The following TP53BP1 variants were observed in gnomAD, a reference collection of about 807,000 sequenced individuals.
The protein encoded by TP53BP1 is TP53-binding protein 1.
TP53BP1 carries 61 observed loss-of-function variants against 200.8 expected under a neutral mutation model. That is an observed-to-expected ratio of 0.30 (90% CI 0.25 to 0.38). TP53BP1 has a LOEUF of 0.38. Among genes scored for constraint, TP53BP1 ranks in the 10% least tolerant of loss-of-function variants. The probability of loss-of-function intolerance (pLI) is 1.00; values close to 1 mark genes in which losing one functional copy is unlikely to be tolerated. For synonymous variants in TP53BP1, 822 were observed against 844.3 expected (o/e 0.97, Z 0.46); for missense variants, 2,144 against 2,371.9 (o/e 0.90, Z 2.00).
chr15:43,414,221 T>G (rs2045206540), intron 23 of TP53BP1: 1 of 418,644 alleles, frequency 2.4e-6, no homozygotes. Flanking sequence ...AATCCTGGCT[T>G]ACTTTGTCAT....
chr15:43,493,264 CA>C (rs1238117223), upstream of TP53BP1: 4 of 1,412,866 alleles, frequency 2.8e-6, no homozygotes, highest in East Asian at 1.0e-4. Context: ...TGCCCTGCCC[CA>C]CGTAAGAAAA....
chr15:43,479,281 C>T, intron 7 of TP53BP1, 116 bp downstream of exon 7: 1 of 1,176,808 alleles, frequency 8.5e-7, no homozygotes, highest in Middle Eastern at 2.1e-4. Context: ...ATGCCCAGTA[C>T]AAGGGGAAAA....
At chr15:43,457,328 T>C (rs1324677395) in intron 11 of TP53BP1, 110 bp from the exon 12 acceptor site, 3 of 1,030,688 alleles carry the variant, frequency 2.9e-6, no homozygotes, top group Non-Finnish European at 4.0e-6. Context: ...CTAAATCAAA[T>C]TTTTAAATTC....
intron 5 of TP53BP1, among the ~76,000 whole-genome samples, 163 bp from the exon 6 acceptor site, chr15:43,480,180 G>A (rs1167110665): frequency 6.6e-6 from 1 of 152,234 alleles, no homozygotes; most frequent in East Asian, 1.9e-4. Context: ...CGAGCACGGT[G>A]GCTCACACCT....
chr15:43,480,119 C>A, intron 5 of TP53BP1, 102 bp from the exon 6 acceptor site: 1 of 1,099,404 alleles, frequency 9.1e-7, no homozygotes, highest in Non-Finnish European at 1.3e-6. Flanking sequence ...TCCTTCACAT[C>A]AAAGCCCTGT....
At chr15:43,462,523 C>T (rs147115537) in intron 11 of TP53BP1, among the ~76,000 whole-genome samples, 2 of 151,958 alleles carry the variant, frequency 1.3e-5, no homozygotes, top group African/African-American at 4.8e-5. Flanking sequence ...CACTATGTTG[C>T]CCAGGCTGCT....
upstream of TP53BP1, among the ~76,000 whole-genome samples, chr15:43,495,386 C>T (rs1353986984): frequency 6.6e-6 from 1 of 151,596 alleles, no homozygotes; most frequent in Non-Finnish European, 1.5e-5. Context: ...GTAGTCCCAG[C>T]TACTCAGGAG....
intron 15 of TP53BP1, among the ~76,000 whole-genome samples, chr15:43,439,052 G>C (rs1369392801): frequency 1.3e-5 from 2 of 152,128 alleles, no homozygotes; most frequent in Non-Finnish European, 2.9e-5. Context: ...CAGTAGGGAG[G>C]GGGGTGCTGG....
At chr15:43,429,735 A>G (rs1033529196) in intron 17 of TP53BP1, among the ~76,000 whole-genome samples, 3 of 152,216 alleles carry the variant, frequency 2.0e-5, no homozygotes, top group African/African-American at 7.2e-5. Context: ...TATTTAAAAT[A>G]CTTCTACATA....
intron 14 of TP53BP1, among the ~76,000 whole-genome samples, chr15:43,444,056 A>G (rs918733954): frequency 6.6e-6 from 1 of 152,200 alleles, no homozygotes; most frequent in African/African-American, 2.4e-5. Flanking sequence ...GTCCTCCTCT[A>G]TAAGATAAAA....
intron 14 of TP53BP1, among the ~76,000 whole-genome samples, chr15:43,442,239 C>T (rs1228743167): frequency 2.0e-5 from 3 of 151,984 alleles, no homozygotes; most frequent in Non-Finnish European, 4.4e-5. Flanking sequence ...GTGCCCGCCA[C>T]CACGCCCGGC....
chr15:43,447,508 AAAAG>A (rs774915553), intron 12 of TP53BP1, 23 bp from the exon 13 acceptor site: 138 of 1,473,404 alleles, frequency 9.4e-5, no homozygotes, highest in South Asian at 3.3e-4. Context: ...AAAAAAAGAA[AAAAG>A]AAAGAAAGAA....
intron 19 of TP53BP1, 115 bp downstream of exon 19, chr15:43,421,740 T>C: frequency 1.4e-6 from 2 of 1,415,178 alleles, no homozygotes; most frequent in Non-Finnish European, 1.9e-6. Context: ...GGGTAGTTGA[T>C]TTATCTTTAA....
chr15:43,486,369 C>G (rs563308277), intron 4 of TP53BP1, among the ~76,000 whole-genome samples: 2 of 152,158 alleles, frequency 1.3e-5, no homozygotes, highest in East Asian at 3.9e-4. Context: ...GAGCGAAACT[C>G]GGTCTCAAAA....
At chr15:43,464,765 A>G (rs1231769340) in intron 11 of TP53BP1, among the ~76,000 whole-genome samples, 1 of 151,970 alleles carries the variant, frequency 6.6e-6, no homozygotes, top group Non-Finnish European at 1.5e-5. Flanking sequence ...AAAATTTGCC[A>G]GGCATGGTGG....
chr15:43,482,198 C>T (rs1339467183), intron 4 of TP53BP1, among the ~76,000 whole-genome samples: 1 of 151,986 alleles, frequency 6.6e-6, no homozygotes, highest in East Asian at 1.9e-4. Context: ...CACTGCACTC[C>T]AGCCTGGGCG....
intron 12 of TP53BP1, among the ~76,000 whole-genome samples, chr15:43,448,290 T>C (rs1422001510): frequency 2.6e-5 from 4 of 152,220 alleles, no homozygotes; most frequent in African/African-American, 7.2e-5. Context: ...CATTTTCTAA[T>C]TTCCTAATTT....
chr15:43,448,437 C>A (rs1366752259), intron 12 of TP53BP1, among the ~76,000 whole-genome samples: 1 of 152,166 alleles, frequency 6.6e-6, no homozygotes, highest in East Asian at 1.9e-4. Context: ...TACTTGGACA[C>A]TACTACTTAT....
Position 43,492,331 on chromosome 15 carries a change from AT to A in TP53BP1, c.144del (p.Ser49LeufsTer41). The A allele has an allele frequency of 6.2e-7, 1 of 1,614,172 alleles. No individual in the cohort carries two copies. Among genetic ancestry groups the A allele is most frequent in the Non-Finnish European group, 8.5e-7 (1 of 1,180,022 alleles). ...GTCTGGAGATTAGGAAGGTGTCGAG[AT>A]AGCATACTGAAGTGAGAACCAGAAT... is the stretch of plus-strand genomic sequence containing the variant. ...EDDSGSHFSM[L>X]SRHLPNLQTH... On this transcript the variant is annotated frameshift_variant, in exon 2 of 28. Coordinates refer to ENST00000382044, the MANE Select transcript of TP53BP1 (RefSeq NM_001141980.3). LOFTEE classifies it high-confidence loss of function.
Sources: gnomAD v4.1 joint callset for allele counts (sites outside exome capture counted in the v4.1 genomes callset) on GRCh38, gnomAD v4.1.1 for gene constraint, MANE v1.5 for transcripts, NCBI Gene and HGNC (gene_info 2026-07-23, HGNC 2026-07-21) for gene names.